Variants in DNM3 observed in about 807,000 individuals in gnomAD.
The protein encoded by DNM3 is dynamin 3.
In DNM3, 47 loss-of-function variants were observed where a neutral mutation model predicts 101.6. That is an observed-to-expected ratio of 0.46 (90% confidence interval 0.37 to 0.59). DNM3 has a LOEUF of 0.59. Among genes scored for constraint, DNM3 ranks in the 20% least tolerant of loss-of-function variants. The pLI is 0.00. For missense variants in DNM3, 849 were observed against 1,085.7 expected, an observed-to-expected ratio of 0.78 and a Z score of 3.06; for synonymous variants, 385 against 387.9, an observed-to-expected ratio of 0.99 and a Z score of 0.09.
At chr1:171,888,903 T>C (rs1358654845) in intron 1 of DNM3, among the ~76,000 whole-genome samples, 3 of 152,118 alleles carry the variant, frequency 2.0e-5, no homozygotes, top group Non-Finnish European at 4.4e-5. Context: ...AAGTAGATAT[T>C]TTAGAAGGGA....
chr1:172,001,134 A>G (rs1270277289), intron 4 of DNM3, among the ~76,000 whole-genome samples: 1 of 152,082 alleles, frequency 6.6e-6, no homozygotes, highest in African/African-American at 2.4e-5. Context: ...CATTTTAATC[A>G]TAGGAAAGGA....
intron 17 of DNM3, among the ~76,000 whole-genome samples, chr1:172,377,305 C>T (rs145006208): frequency 1.3e-5 from 2 of 151,858 alleles, no homozygotes; most frequent in African/African-American, 4.8e-5. Context: ...ATATAAAGTA[C>T]ATAGCACAGT....
chr1:171,885,020 A>G (rs542978930), intron 1 of DNM3, among the ~76,000 whole-genome samples: 2 of 152,274 alleles, frequency 1.3e-5, no homozygotes, highest in South Asian at 4.1e-4. Context: ...GTTGCTTGGC[A>G]CAAGGTAGTT....
chr1:172,343,147 T>C (rs969729106), intron 17 of DNM3, among the ~76,000 whole-genome samples: 1 of 152,156 alleles, frequency 6.6e-6, no homozygotes, highest in Non-Finnish European at 1.5e-5. Flanking sequence ...TCTAAAGACA[T>C]GCTGATTAGA....
chr1:172,097,227 C>G (rs1190002659), intron 13 of DNM3, among the ~76,000 whole-genome samples: 1 of 151,948 alleles, frequency 6.6e-6, no homozygotes, highest in Non-Finnish European at 1.5e-5. Context: ...TGGTGAAACC[C>G]CATCTCTACT....
At chr1:172,348,132 A>G (rs1381699300) in intron 17 of DNM3, among the ~76,000 whole-genome samples, 1 of 152,146 alleles carries the variant, frequency 6.6e-6, no homozygotes, top group Non-Finnish European at 1.5e-5. Context: ...ATGGTATTAC[A>G]TGATACTGTA....
intron 14 of DNM3, chr1:172,136,565 A>G (rs2057241069): frequency 6.6e-6 from 1 of 152,158 alleles, no homozygotes; most frequent in Non-Finnish European, 1.5e-5. Context: ...ATTCTGCATG[A>G]TCACAGTTGT....
rs1046326902 is a variant in DNM3 at position 171,880,553 on chromosome 1, A to G, written c.161+38736A>G. Among the ~76,000 whole-genome samples the G allele has an allele frequency of 2.9e-4, 44 of 152,228 alleles. 1 individual carries two copies. The highest frequency in any genetic ancestry group is 1.0e-3 in the African/African-American group (42 of 41,460). ...AATAAATAATGAATTTAAAGAGTCTATGAAGGTTAAATAGCATACTCTGGA... is the reference window on the plus strand; with the variant it reads ...AATAAATAATGAATTTAAAGAGTCTGTGAAGGTTAAATAGCATACTCTGGA... On this transcript the variant is annotated intron_variant, in intron 1 of 20. Transcript: ENST00000627582.
chr1:171,894,909 T>C (rs1247589723), intron 1 of DNM3, among the ~76,000 whole-genome samples: 4 of 152,166 alleles, frequency 2.6e-5, no homozygotes, highest in South Asian at 4.1e-4. Context: ...GCCCTTGTGA[T>C]AGTTTTCTGA....
intron 1 of DNM3, among the ~76,000 whole-genome samples, chr1:171,898,785 T>C (rs1240164647): frequency 6.6e-6 from 1 of 152,132 alleles, no homozygotes; most frequent in African/African-American, 2.4e-5. Flanking sequence ...GTGAATTTTT[T>C]TTTTCATATT....
In DNM3 at chr1:171,883,911, G is replaced by A. The variant is rs904823309; in HGVS notation, c.162-37837G>A. On this transcript the variant is annotated intron_variant, in intron 1 of 20. Coordinates refer to ENST00000627582, the MANE Select transcript of DNM3 (RefSeq NM_015569.5). Reference sequence around the variant, plus strand: ...AACATTTCCCAGTCTGATTTTTGGGGCCTCTCTCTTATAAGGGTTTGCTTT... The same window carrying A: ...AACATTTCCCAGTCTGATTTTTGGGACCTCTCTCTTATAAGGGTTTGCTTT... Among the ~76,000 whole-genome samples the A allele has an allele frequency of 2.6e-5, 4 of 152,176 alleles. No individual in the cohort carries two copies. In the East Asian group the frequency reaches 7.7e-4, roughly 29 times the overall value.
chr1:172,071,177 C>T (rs2052161183), intron 11 of DNM3, among the ~76,000 whole-genome samples: 1 of 146,116 alleles, frequency 6.8e-6, no homozygotes, highest in Non-Finnish European at 1.5e-5. Flanking sequence ...AGCTATGGCA[C>T]ATGGTAGATT....
In DNM3 at chr1:171,928,506, G is replaced by T. The variant is rs1304854595; in HGVS notation, c.235+6685G>T. Among the ~76,000 whole-genome samples the T allele has an allele frequency of 2.6e-5, 4 of 152,260 alleles. No homozygotes were observed. In the East Asian group the frequency reaches 7.7e-4, roughly 29 times the overall value. ...CCAGGGTGGAGGGTCTGTGCTATGG[G>T]ACCAAGCCAGGGGTTCCCTGTCTGG... On this transcript the variant is annotated intron_variant, in intron 2 of 20. Transcript: ENST00000627582.
At chr1:172,025,288 G>C (rs1398056871) in intron 4 of DNM3, among the ~76,000 whole-genome samples, 1 of 152,212 alleles carries the variant, frequency 6.6e-6, no homozygotes, top group East Asian at 1.9e-4. Context: ...CTGAAAGAAA[G>C]GCAGCAGCCC....
chr1:172,056,047 G>A (rs1211944224), intron 10 of DNM3, among the ~76,000 whole-genome samples: 1 of 152,172 alleles, frequency 6.6e-6, no homozygotes. Context: ...AAGGGGTCAG[G>A]GAGTTCCCTT....
chr1:172,208,292 A>G (rs763663216), intron 14 of DNM3, among the ~76,000 whole-genome samples: 3 of 152,102 alleles, frequency 2.0e-5, no homozygotes, highest in Non-Finnish European at 4.4e-5. Context: ...TATCTAGATC[A>G]TGTTTTGCTG....
intron 20 of DNM3, among the ~76,000 whole-genome samples, chr1:172,400,581 C>T (rs1239666678): frequency 1.3e-5 from 2 of 152,130 alleles, no homozygotes; most frequent in Admixed American, 1.3e-4. Context: ...TTGCCTTCTG[C>T]TTCTCTGCGT....
chr1:172,258,176 A>G (rs910734112), intron 15 of DNM3, among the ~76,000 whole-genome samples: 14 of 151,886 alleles, frequency 9.2e-5, no homozygotes, highest in African/African-American at 3.4e-4. Context: ...TTCTTTATCT[A>G]TTCATCCATT....
At chr1:172,197,945 G>A (rs1398772596) in intron 14 of DNM3, among the ~76,000 whole-genome samples, 1 of 152,036 alleles carries the variant, frequency 6.6e-6, no homozygotes, top group African/African-American at 2.4e-5. Flanking sequence ...CCAATACTAT[G>A]TTGAGTGAAG....
Sources: gnomAD v4.1 joint callset for allele counts (sites outside exome capture counted in the v4.1 genomes callset) on GRCh38, gnomAD v4.1.1 for gene constraint, MANE v1.5 for transcripts, NCBI Gene and HGNC (gene_info 2026-07-23, HGNC 2026-07-21) for gene names.